The following AGBL4 variants were observed in gnomAD, a reference collection of about 807,000 sequenced individuals.
AGBL4 encodes cytosolic carboxypeptidase 6.
In AGBL4, 58 loss-of-function variants were observed where a neutral mutation model predicts 66.4. That is an observed-to-expected ratio of 0.87 (90% CI 0.71 to 1.09). AGBL4 has a LOEUF of 1.09. AGBL4 is among the 50% of genes least tolerant of loss of function. The pLI is 0.00. For synonymous variants in AGBL4, 234 were observed against 222.9 expected (o/e 1.05, Z -0.44); for missense variants, 579 against 631.0 (o/e 0.92, Z 0.88).
At chr1:49,626,075 C>T (rs1044124794) in intron 3 of AGBL4, among the ~76,000 whole-genome samples, 3 of 152,134 alleles carry the variant, frequency 2.0e-5, no homozygotes, top group Non-Finnish European at 4.4e-5. Flanking sequence ...TAATGTGTGG[C>T]ATCACTCCTA....
chr1:49,039,975 A>C (rs1432187331), intron 5 of AGBL4, among the ~76,000 whole-genome samples: 1 of 152,096 alleles, frequency 6.6e-6, no homozygotes, highest in Admixed American at 6.6e-5. Flanking sequence ...ATCCATTAAA[A>C]ATTTGATAAA....
chr1:49,411,643 T>C (rs1645317292), intron 3 of AGBL4, among the ~76,000 whole-genome samples: 1 of 152,120 alleles, frequency 6.6e-6, no homozygotes, highest in Non-Finnish European at 1.5e-5. Flanking sequence ...ATAAAAATAG[T>C]GAATCAAGGT....
rs902506365 is a variant in AGBL4 at position 49,304,808 on chromosome 1, T to G, written c.283-58944A>C. Among the ~76,000 whole-genome samples, 4 of 152,214 alleles carry G rather than the reference T, an allele frequency of 2.6e-5. No homozygotes were observed. The East Asian group carries it at 7.7e-4, about 29-fold the overall frequency. The stretch of plus-strand genomic sequence containing the variant: ...CTCAGATGCCAGTATATGAGAATAT[T>G]AAGACATAGTATAAACTGTTATATT... On this transcript the variant is annotated intron_variant, in intron 3 of 13. Transcript: ENST00000371839.
At chr1:49,588,886 C>T (rs1644700602) in intron 3 of AGBL4, among the ~76,000 whole-genome samples, 3 of 152,154 alleles carry the variant, frequency 2.0e-5, no homozygotes, top group South Asian at 2.1e-4. Context: ...AGACCACATA[C>T]ATTTGTAAGG....
At chr1:49,025,703 C>G (rs1663611127) in intron 5 of AGBL4, 1 of 152,162 alleles carries the variant, frequency 6.6e-6, no homozygotes, top group Non-Finnish European at 1.5e-5. Flanking sequence ...AGCCTGACTT[C>G]TGCACCTGCC....
chr1:49,965,704 T>C (rs1233840767), intron 1 of AGBL4, among the ~76,000 whole-genome samples: 3 of 152,186 alleles, frequency 2.0e-5, no homozygotes, highest in Non-Finnish European at 1.5e-5. Flanking sequence ...CCAACCTTTC[T>C]ATAGGAAAGA....
intron 3 of AGBL4, among the ~76,000 whole-genome samples, chr1:49,601,731 A>G (rs757048411): frequency 2.0e-4 from 30 of 152,350 alleles, no homozygotes; most frequent in Non-Finnish European, 3.7e-4. Context: ...TAAACCTAAG[A>G]CCTAAAACCA....
In AGBL4 at chr1:48,533,919, G is replaced by T; in HGVS notation, c.*254C>A. ...CATCTTGGAAGATCTCTATGTTGTA[G>T]AAAATAGCATCTGTGCTCACCTGGT... On this transcript the variant is annotated 3_prime_UTR_variant, in exon 14 of 14. Coordinates refer to ENST00000371839, the MANE Select transcript of AGBL4 (RefSeq NM_032785.4). 2.0e-6 allele frequency: 1 copy of T among 506,166 alleles called. No individual in the cohort carries two copies. The highest frequency in any genetic ancestry group is 3.6e-6 in the Non-Finnish European group (1 of 280,904). The allele number at this position is 506,166 out of a possible 1,614,324, so 31.4% of individuals were successfully genotyped here.
At chr1:48,602,627 C>T (rs1016897182) in intron 9 of AGBL4, among the ~76,000 whole-genome samples, 3 of 152,076 alleles carry the variant, frequency 2.0e-5, no homozygotes, top group Non-Finnish European at 2.9e-5. Flanking sequence ...AAGAAGTGTT[C>T]GAGGGTGCCA....
chr1:49,607,047 T>C (rs1279919535), intron 3 of AGBL4, among the ~76,000 whole-genome samples: 1 of 152,182 alleles, frequency 6.6e-6, no homozygotes, highest in Non-Finnish European at 1.5e-5. Flanking sequence ...CAAAATTCAG[T>C]TCAAATGATA....
rs144392660 is a variant in AGBL4 at position 49,337,242 on chromosome 1, A to G, written c.283-91378T>C. 8.4e-4 allele frequency among the ~76,000 whole-genome samples: 128 copies of G among 152,304 alleles called. 2 individuals carry two copies. The East Asian group carries it at 0.022, about 26-fold the overall frequency. ...ATAGCTGATAGGAAAAGTGTTTTAT[A>G]AACTGTGAGGAGCTCTTTTACTGCA... On this transcript the variant is annotated intron_variant, in intron 3 of 13. Coordinates refer to ENST00000371839, the MANE Select transcript of AGBL4 (RefSeq NM_032785.4).
Position 49,409,149 on chromosome 1 carries a change from G to GCTCTCTCTCTCTCTCTCTCT in AGBL4, c.283-163305_283-163286dup, listed in dbSNP as rs373757168. On this transcript the variant is annotated intron_variant, in intron 3 of 13. Transcript: ENST00000371839. ...TCTCCATCAAACCCCACTCTCTCTG[G>GCTCTCTCTCTCTCTCTCTCT]CTCTCTCTCTCTCTCTCTCTCTCAT... is the stretch of plus-strand genomic sequence containing the variant. Among the ~76,000 whole-genome samples the GCTCTCTCTCTCTCTCTCTCT allele has an allele frequency of 1.0e-4, 15 of 146,068 alleles. 1 individual carries two copies. The highest frequency in any genetic ancestry group is 7.1e-3 in the Middle Eastern group (2 of 280).
At chr1:49,328,519 A>G (rs1352520748) in intron 3 of AGBL4, among the ~76,000 whole-genome samples, 1 of 152,090 alleles carries the variant, frequency 6.6e-6, no homozygotes, top group African/African-American at 2.4e-5. Context: ...TTTCTCAGAG[A>G]TCTCATTTAT....
chr1:49,939,194 A>T (rs1181377658), intron 1 of AGBL4, among the ~76,000 whole-genome samples: 1 of 151,828 alleles, frequency 6.6e-6, no homozygotes, highest in Admixed American at 6.6e-5. Flanking sequence ...TGCTCAATGA[A>T]ATAAAAGAGG....
At chr1:49,813,597 A>T (rs2147975732) in intron 2 of AGBL4, among the ~76,000 whole-genome samples, 1 of 152,294 alleles carries the variant, frequency 6.6e-6, no homozygotes, top group Admixed American at 6.5e-5. Context: ...ATCAGTAAGT[A>T]TTTTTTAGCA....
intron 6 of AGBL4, among the ~76,000 whole-genome samples, chr1:48,725,984 T>A (rs1647247701): frequency 6.6e-6 from 1 of 152,158 alleles, no homozygotes; most frequent in African/African-American, 2.4e-5. Flanking sequence ...TTTCAGATAT[T>A]ATCTACATTA....
chr1:49,249,386 A>C (rs1360344177), intron 3 of AGBL4, among the ~76,000 whole-genome samples: 2 of 152,198 alleles, frequency 1.3e-5, no homozygotes, highest in African/African-American at 4.8e-5. Context: ...TAGCAAACAA[A>C]AAAAATTAAA....
rs529432839 is a variant in AGBL4 at position 48,750,863 on chromosome 1, T to C, written c.635-87622A>G. Among the ~76,000 whole-genome samples, 182 of 152,180 alleles carry C rather than the reference T, an allele frequency of 1.2e-3. 1 individual carries two copies. Among genetic ancestry groups the C allele is most frequent in the Non-Finnish European group, 2.3e-3 (157 of 67,996 alleles). On this transcript the variant is annotated intron_variant, in intron 6 of 13. Coordinates refer to ENST00000371839, the MANE Select transcript of AGBL4 (RefSeq NM_032785.4). ...TAGACGAGGTGAACTCTGGGGTTCC[T>C]TATAGGACTAAGGTCCTAGGACTCT...
At chr1:48,803,865 C>G (rs1645862702) in intron 6 of AGBL4, among the ~76,000 whole-genome samples, 1 of 152,200 alleles carries the variant, frequency 6.6e-6, no homozygotes, top group Non-Finnish European at 1.5e-5. Context: ...CAATTGTGAG[C>G]TAGTCTGGTG....
Sources: allele counts gnomAD v4.1 joint callset (sites outside exome capture counted in the v4.1 genomes callset), GRCh38; gene constraint gnomAD v4.1.1; transcripts MANE v1.5; gene names NCBI Gene and HGNC (gene_info 2026-07-23, HGNC 2026-07-21).